RAP1B: variants seen among roughly 807,000 people sequenced by gnomAD.
RAP1B encodes RAP1B, member of RAS oncogene family, also known as ras-related protein Rap-1b.
A neutral mutation model predicts 27.5 loss-of-function variants in RAP1B; 1 was observed. The ratio of observed to expected loss-of-function variants is 0.04; its 90% CI spans 0.01 to 0.17. The LOEUF (loss-of-function observed/expected upper bound fraction) is 0.17. Ranked by LOEUF, RAP1B falls within the 10% of genes least tolerant of loss-of-function variation. The pLI, the probability that RAP1B is intolerant of heterozygous loss-of-function variation, is 1.00. For synonymous variants in RAP1B, 75 were observed against 73.1 expected (o/e 1.03, Z -0.13); for missense variants, 84 against 214.8 (o/e 0.39, Z 3.81).
At chr12:68,627,593 C>T (rs777684385) in intron 1 of RAP1B, among the ~76,000 whole-genome samples, 11 of 152,228 alleles carry the variant, frequency 7.2e-5, no homozygotes, top group Non-Finnish European at 1.0e-4. Flanking sequence ...ACCCACTTTT[C>T]GAAATACCCC....
chr12:68,625,736 T>C (rs531572720), intron 1 of RAP1B, among the ~76,000 whole-genome samples: 2 of 152,088 alleles, frequency 1.3e-5, no homozygotes, highest in South Asian at 4.1e-4. Context: ...CTGGCCAGCA[T>C]GGTGAAACCT....
Position 68,639,457 on chromosome 12 carries a change from G to A in RAP1B, c.-26-9242G>A, listed in dbSNP as rs185073435. Among the ~76,000 whole-genome samples the A allele has an allele frequency of 2.0e-4, 31 of 152,264 alleles. No homozygotes were observed. In the East Asian group the frequency reaches 5.4e-3, roughly 27 times the overall value. Reference sequence around the variant, plus strand: ...CTTAGAAAATAGTACAAGGTAATACGTAATCAAGTCCTAAAGTATTTGGTA... The same window carrying A: ...CTTAGAAAATAGTACAAGGTAATACATAATCAAGTCCTAAAGTATTTGGTA... On this transcript the variant is annotated intron_variant, in intron 1 of 7. Coordinates refer to ENST00000250559, the MANE Select transcript of RAP1B (RefSeq NM_001010942.3).
intron 1 of RAP1B, among the ~76,000 whole-genome samples, chr12:68,636,017 T>TA (rs1438023371): frequency 6.6e-6 from 1 of 151,736 alleles, no homozygotes; most frequent in African/African-American, 2.4e-5. Flanking sequence ...TATCTGGGAC[T>TA]ACAAGCGCCC....
rs537975867 is a variant in RAP1B, at chr12:68,647,484, G to A, written c.-26-1215G>A. On this transcript the variant is annotated intron_variant, in intron 1 of 7. Coordinates refer to ENST00000250559, the MANE Select transcript of RAP1B (RefSeq NM_001010942.3). ...GATCCACCCACCTCAGCCTCCCAAA[G>A]TGCTGGGATTACAGACATGAGCCAC... Among the ~76,000 whole-genome samples the A allele has an allele frequency of 1.3e-3, 188 of 145,318 alleles. 1 individual carries two copies. The highest frequency in any genetic ancestry group is 2.2e-3 in the Non-Finnish European group (149 of 66,960).
chr12:68,620,118 T>C (rs1324513009), intron 1 of RAP1B, among the ~76,000 whole-genome samples: 1 of 152,056 alleles, frequency 6.6e-6, no homozygotes, highest in South Asian at 2.1e-4. Context: ...GTAGACACTT[T>C]TCAAAAACAC....
chr12:68,655,125 A>AC (rs1485207834), intron 5 of RAP1B, among the ~76,000 whole-genome samples: 1 of 152,098 alleles, frequency 6.6e-6, no homozygotes, highest in Non-Finnish European at 1.5e-5. Context: ...TCCCTGGGCA[A>AC]CATAGCAAAA....
chr12:68,637,571 C>T lies in RAP1B; in HGVS notation c.-26-11128C>T, dbSNP rs1184409082. The stretch of plus-strand genomic sequence containing the variant: ...GAGATCACACACCACTGCACTCCAG[C>T]CTGGGTGACAAGAGTAAAACTCCAT... On this transcript the variant is annotated intron_variant, in intron 1 of 7. Transcript: ENST00000250559. 2.5e-5 allele frequency among the ~76,000 whole-genome samples: 3 copies of T among 121,740 alleles called. No homozygotes were observed. In the Admixed American group the frequency reaches 3.1e-4, roughly 13 times the overall value. 79.9% of individuals were successfully genotyped at this position (121,740 alleles called of 152,430 possible).
intron 6 of RAP1B, 95 bp downstream of exon 6, chr12:68,656,544 G>T (rs1874218598): frequency 7.8e-7 from 1 of 1,286,510 alleles, no homozygotes; most frequent in African/African-American, 1.5e-5. Flanking sequence ...ATGTACTCAG[G>T]GTAATATGTT....
chr12:68,621,418 T>C (rs1243684474), intron 1 of RAP1B: 1 of 152,228 alleles, frequency 6.6e-6, no homozygotes, highest in Non-Finnish European at 1.5e-5. Flanking sequence ...TATTTTAGCT[T>C]GTTTATACTT....
chr12:68,613,103 C>T (rs1870722769), intron 1 of RAP1B, among the ~76,000 whole-genome samples: 2 of 151,982 alleles, frequency 1.3e-5, no homozygotes, highest in South Asian at 4.1e-4. Context: ...GCCTGTAATC[C>T]CAGCACTTTG....
At chr12:68,624,300 A>G (rs952766542) in intron 1 of RAP1B, among the ~76,000 whole-genome samples, 6 of 152,164 alleles carry the variant, frequency 3.9e-5, no homozygotes, top group Non-Finnish European at 8.8e-5. Flanking sequence ...CCTAACAAAC[A>G]CTAACATTTT....
Position 68,662,719 on chromosome 12 carries a change from C to T in RAP1B, c.*3470C>T, listed in dbSNP as rs1874668297. On this transcript the variant is annotated 3_prime_UTR_variant, in exon 8 of 8. Coordinates refer to ENST00000250559, the MANE Select transcript of RAP1B (RefSeq NM_001010942.3). ...TAGAAGCCTTAAAAGTGCTTGCAGGCTTGTCTCATAATCTGTCAGTGAGCC... is the reference window on the plus strand; with the variant it reads ...TAGAAGCCTTAAAAGTGCTTGCAGGTTTGTCTCATAATCTGTCAGTGAGCC... The T allele has an allele frequency of 1.3e-5, 2 of 152,112 alleles. No homozygotes were observed. The highest frequency in any genetic ancestry group is 3.8e-4 in the East Asian group (2 of 5,196). The allele number at this position is 152,112 out of a possible 1,614,324, so 9.4% of individuals were successfully genotyped here. A position where few individuals can be genotyped will look rare whatever the true frequency, so the allele number is the denominator to read the frequency against.
intron 1 of RAP1B, chr12:68,627,431 T>C: frequency 2.2e-6 from 1 of 445,168 alleles, no homozygotes; most frequent in South Asian, 2.4e-5. Context: ...ATGAGAGATT[T>C]TACTAATAAT....
intron 1 of RAP1B, chr12:68,627,449 G>A: frequency 2.7e-6 from 1 of 374,538 alleles, no homozygotes; most frequent in Non-Finnish European, 5.0e-6. Context: ...AATAGTGTTA[G>A]GAGTATAAAT....
intron 7 of RAP1B, among the ~76,000 whole-genome samples, chr12:68,658,772 T>TA (rs1874408676): frequency 6.6e-6 from 1 of 152,226 alleles, no homozygotes; most frequent in Admixed American, 6.5e-5. Flanking sequence ...GAACGAGCTT[T>TA]TTAGCCACTT....
intron 1 of RAP1B, among the ~76,000 whole-genome samples, chr12:68,636,204 A>G (rs1872621527): frequency 6.6e-6 from 1 of 152,108 alleles, no homozygotes; most frequent in Non-Finnish European, 1.5e-5. Flanking sequence ...GGCATATTTT[A>G]AGGGACAGAA....
rs1308176046 is a variant in RAP1B at position 68,661,630 on chromosome 12, C to G, written c.*2381C>G. On this transcript the variant is annotated 3_prime_UTR_variant, in exon 8 of 8. Transcript: ENST00000250559. ...AATTTTAATATCTGCCCACTAGATG[C>G]CAGTCACACCACCCCAGCCCCCAAG... 2 of 151,838 alleles carry G rather than the reference C, an allele frequency of 1.3e-5. No homozygotes were observed. Among genetic ancestry groups the G allele is most frequent in the Non-Finnish European group, 2.9e-5 (2 of 67,986 alleles). 9.4% of individuals were successfully genotyped at this position (151,838 alleles called of 1,614,324 possible).
chr12:68,643,409 T>C (rs1350253958), intron 1 of RAP1B, among the ~76,000 whole-genome samples: 1 of 152,216 alleles, frequency 6.6e-6, no homozygotes, highest in Non-Finnish European at 1.5e-5. Context: ...TGCATTGATA[T>C]AAGATAGGTA....
At position 68,618,444 on chromosome 12, in the gene RAP1B, A is replaced by G. The variant is rs557992184; in HGVS notation, c.-27+7401A>G. On this transcript the variant is annotated intron_variant, in intron 1 of 7. Transcript: ENST00000250559. Reference sequence around the variant, plus strand: ...TTAAGAATCCCATTAAAGTATGAATAAGGACTAATAAATAATTGTGAGTTT... The same window carrying G: ...TTAAGAATCCCATTAAAGTATGAATGAGGACTAATAAATAATTGTGAGTTT... 2.0e-5 allele frequency among the ~76,000 whole-genome samples: 3 copies of G among 152,312 alleles called. No homozygotes were observed. The South Asian group carries it at 6.2e-4, about 32-fold the overall frequency.
Sources: allele counts gnomAD v4.1 joint callset (sites outside exome capture counted in the v4.1 genomes callset), GRCh38; gene constraint gnomAD v4.1.1; transcripts MANE v1.5; gene names NCBI Gene and HGNC (gene_info 2026-07-23, HGNC 2026-07-21).